The following DOCK1 variants were observed in gnomAD, a reference collection of about 807,000 sequenced individuals.
DOCK1 encodes dedicator of cytokinesis protein 1.
A neutral mutation model predicts 262.7 loss-of-function variants in DOCK1; 138 were observed. That is an observed-to-expected ratio of 0.53 (90% CI 0.46 to 0.61). The LOEUF (loss-of-function observed/expected upper bound fraction) is 0.61. Among genes scored for constraint, DOCK1 ranks in the 20% least tolerant of loss-of-function variants. The pLI is 0.00. For synonymous variants in DOCK1, 866 were observed against 867.4 expected (o/e 1.00, Z 0.03); for missense variants, 1,908 against 2,370.7 (o/e 0.80, Z 4.05).
chr10:127,184,275 G>C (rs576380311), intron 27 of DOCK1, among the ~76,000 whole-genome samples: 111 of 152,226 alleles, frequency 7.3e-4, no homozygotes, highest in Admixed American at 1.6e-3. Flanking sequence ...TATGCTGAAG[G>C]CTTCCAACAA....
At chr10:126,907,397 TG>T (rs1387153911) in intron 1 of DOCK1, among the ~76,000 whole-genome samples, 2 of 151,830 alleles carry the variant, frequency 1.3e-5, no homozygotes, top group African/African-American at 2.4e-5. Flanking sequence ...GGGGGTGTAG[TG>T]GGGGCCATCG....
chr10:127,025,519 T>C (rs1369663423), intron 15 of DOCK1, among the ~76,000 whole-genome samples: 1 of 152,118 alleles, frequency 6.6e-6, no homozygotes, highest in Non-Finnish European at 1.5e-5. Context: ...CAATCTCGGC[T>C]CACTGCAACC....
In DOCK1 at chr10:127,451,600, C is replaced by A; in HGVS notation, c.*173C>A. 1 of 1,436,812 alleles carries A rather than the reference C, an allele frequency of 7.0e-7. No individual in the cohort carries two copies. Among genetic ancestry groups the A allele is most frequent in the South Asian group, 1.4e-5 (1 of 71,658 alleles). The allele number at this position is 1,436,812 out of a possible 1,614,324, so 89.0% of individuals were successfully genotyped here. On this transcript the variant is annotated 3_prime_UTR_variant, in exon 52 of 52. Transcript: ENST00000623213. ...TCACCATGGAGTGAGTGGCCTTTAG[C>A]GTCATGGAGCAAGGTGGGTCTGGGA...
At chr10:127,338,940 A>G (rs2063309787) in intron 29 of DOCK1, 66 bp from the exon 30 acceptor site, 4 of 1,381,968 alleles carry the variant, frequency 2.9e-6, no homozygotes, top group Middle Eastern at 1.8e-4. Context: ...TCTAATTGAA[A>G]TGCCAAACCT....
chr10:127,004,251 GAAAA>G (rs2040822053), intron 10 of DOCK1, among the ~76,000 whole-genome samples: 1 of 69,836 alleles, frequency 1.4e-5, no homozygotes, highest in African/African-American at 4.7e-5. Flanking sequence ...AAAAAAAAAA[GAAAA>G]GAAAACAAAA....
intron 32 of DOCK1, among the ~76,000 whole-genome samples, chr10:127,360,320 C>T (rs561213733): frequency 3.2e-4 from 48 of 152,136 alleles, no homozygotes; most frequent in African/African-American, 1.1e-3. Context: ...GATATGGGGT[C>T]CCCGGCTGGG....
chr10:127,043,306 T>TTTCCCGGAATAATTTTTAGTATC (rs2135646623), intron 21 of DOCK1, 142 bp downstream of exon 21: 1 of 672,286 alleles, frequency 1.5e-6, no homozygotes, highest in East Asian at 2.8e-5. Flanking sequence ...TTTTTAGTAT[T>TTTCCCGGAATAATTTTTAGTATC]GTTTCCCTCT....
At chr10:127,066,265 T>C (rs2045867140) in intron 23 of DOCK1, among the ~76,000 whole-genome samples, 1 of 145,760 alleles carries the variant, frequency 6.9e-6, no homozygotes, top group African/African-American at 2.5e-5. Context: ...TCCCTTCTGC[T>C]GTCTTCTCTT....
At chr10:127,412,388 A>T (rs903531918) in intron 43 of DOCK1, among the ~76,000 whole-genome samples, 1 of 152,174 alleles carries the variant, frequency 6.6e-6, no homozygotes, top group Non-Finnish European at 1.5e-5. Context: ...TCCTGGGCTC[A>T]AGTGAGTGGA....
At chr10:127,350,069 CT>C (rs2063811649) in intron 31 of DOCK1, among the ~76,000 whole-genome samples, 1 of 152,130 alleles carries the variant, frequency 6.6e-6, no homozygotes, top group African/African-American at 2.4e-5. Flanking sequence ...GACCAATAGA[CT>C]TTTCTTTTCT....
intron 27 of DOCK1, among the ~76,000 whole-genome samples, chr10:127,167,618 C>G (rs1258916676): frequency 6.6e-6 from 1 of 152,078 alleles, no homozygotes; most frequent in Non-Finnish European, 1.5e-5. Context: ...AGGGCCTCTC[C>G]TCTCATTTGG....
intron 27 of DOCK1, among the ~76,000 whole-genome samples, chr10:127,184,587 A>G (rs1043211926): frequency 6.6e-6 from 1 of 150,822 alleles, no homozygotes; most frequent in African/African-American, 2.4e-5. Context: ...AGCACTTCCA[A>G]AGAGTCTCTT....
chr10:127,412,198 G>A (rs1257807467), intron 43 of DOCK1, among the ~76,000 whole-genome samples: 2 of 151,996 alleles, frequency 1.3e-5, no homozygotes, highest in South Asian at 2.1e-4. Flanking sequence ...TCCTGACCTC[G>A]TGATCCCCCC....
At chr10:127,424,949 G>C (rs1276341781) in intron 46 of DOCK1, among the ~76,000 whole-genome samples, 2 of 152,080 alleles carry the variant, frequency 1.3e-5, no homozygotes, top group Non-Finnish European at 2.9e-5. Context: ...TGCTATAAAT[G>C]GTAACCAAAT....
chr10:127,311,521 T>G (rs562861173), intron 29 of DOCK1, among the ~76,000 whole-genome samples: 12 of 152,378 alleles, frequency 7.9e-5, no homozygotes, highest in African/African-American at 2.6e-4. Context: ...TGGAGTATTT[T>G]GGAATTTTGG....
chr10:127,096,319 A>C (rs1397487801), intron 23 of DOCK1, among the ~76,000 whole-genome samples: 2 of 152,032 alleles, frequency 1.3e-5, no homozygotes, highest in African/African-American at 4.8e-5. Flanking sequence ...AATTGGCAGA[A>C]CTGGTCTTGG....
At chr10:127,072,511 A>G (rs2046289128) in intron 23 of DOCK1, among the ~76,000 whole-genome samples, 1 of 152,250 alleles carries the variant, frequency 6.6e-6, no homozygotes, top group South Asian at 2.1e-4. Flanking sequence ...CAGGGTGACA[A>G]GGTATATCGG....
In DOCK1 at chr10:127,176,976, T is replaced by C. The variant is rs1289340385; in HGVS notation, c.2847+49212T>C. On this transcript the variant is annotated intron_variant, in intron 27 of 51. Transcript: ENST00000623213. This position sits in a 1 kb window ranked among gnomAD's most constrained non-coding sequence, Gnocchi z 4.4. ...AGCCGTTATGGATTCCGGGGGAGAG[T>C]TGGCCGTGCTCCTGGGTGGGAACCG... is the stretch of plus-strand genomic sequence containing the variant. The C allele has an allele frequency of 6.6e-6, 1 of 151,680 alleles. No homozygotes were observed. The highest frequency in any genetic ancestry group is 1.5e-5 in the Non-Finnish European group (1 of 68,136). The allele number at this position is 151,680 out of a possible 1,614,324, so 9.4% of individuals were successfully genotyped here.
intron 31 of DOCK1, among the ~76,000 whole-genome samples, chr10:127,346,932 C>T (rs537573634): frequency 2.0e-5 from 3 of 152,202 alleles, no homozygotes; most frequent in Non-Finnish European, 2.9e-5. Flanking sequence ...AGTTCTGCTC[C>T]GCTTGTGGAG....
Sources: gnomAD v4.1 joint callset for allele counts (sites outside exome capture counted in the v4.1 genomes callset) on GRCh38, gnomAD v4.1.1 for gene constraint, Gnocchi (gnomAD v3.1) non-coding constraint, MANE v1.5 for transcripts, NCBI Gene and HGNC (gene_info 2026-07-23, HGNC 2026-07-21) for gene names.